CHODL: variants seen among roughly 807,000 people sequenced by gnomAD.
CHODL encodes chondrolectin, also known as transmembrane protein MT75.
CHODL carries 29 observed loss-of-function variants against 34.5 expected under a neutral mutation model. That is an observed-to-expected ratio of 0.84 (90% CI 0.63 to 1.15). CHODL has a LOEUF of 1.15. CHODL is among the 50% of genes most tolerant of loss of function. The pLI, the probability that CHODL is intolerant of heterozygous loss-of-function variation, is 0.00. For missense variants in CHODL, 332 were observed against 332.5 expected (o/e 1.00, Z 0.01); for synonymous variants, 125 against 116.1 (o/e 1.08, Z -0.49).
chr21:17,919,165 T>G (rs2063164526), intron 1 of CHODL, among the ~76,000 whole-genome samples: 1 of 152,210 alleles, frequency 6.6e-6, no homozygotes, highest in South Asian at 2.1e-4. Flanking sequence ...TCTACCATTC[T>G]GGGGTCTGGA....
chr21:18,233,250 T>C (rs2073999553), intron 2 of CHODL, among the ~76,000 whole-genome samples: 1 of 151,950 alleles, frequency 6.6e-6, no homozygotes. Context: ...GCTTATTTCA[T>C]TCATCATAAA....
intron 2 of CHODL, among the ~76,000 whole-genome samples, chr21:18,063,741 C>T (rs1452866604): frequency 4.6e-5 from 7 of 152,130 alleles, no homozygotes; most frequent in Admixed American, 4.6e-4. Context: ...GTAAAGAATA[C>T]TATTTAAAAA....
At chr21:18,087,881 G>T (rs1223768708) in intron 2 of CHODL, among the ~76,000 whole-genome samples, 1 of 152,108 alleles carries the variant, frequency 6.6e-6, no homozygotes, top group Non-Finnish European at 1.5e-5. Flanking sequence ...TCATAGTTTT[G>T]CAGGCTGTAC....
intron 2 of CHODL, among the ~76,000 whole-genome samples, chr21:18,071,929 GT>G (rs2064810534): frequency 6.6e-6 from 1 of 152,004 alleles, no homozygotes; most frequent in African/African-American, 2.4e-5. Context: ...TAAAAATTTT[GT>G]TATGGGCTTT....
At chr21:17,950,248 G>A (rs9983092) in intron 1 of CHODL, among the ~76,000 whole-genome samples, 10,803 of 151,722 alleles carry the variant, frequency 0.071, 1,049 homozygotes, top group African/African-American at 0.22. Flanking sequence ...TAAGGGAAAC[G>A]TTTTCTATAT....
At chr21:18,097,605 G>T (rs2065155567) in intron 2 of CHODL, among the ~76,000 whole-genome samples, 1 of 152,066 alleles carries the variant, frequency 6.6e-6, no homozygotes, top group Non-Finnish European at 1.5e-5. Context: ...CATGTTCATG[G>T]ATTGGAAGAA....
rs73198576 is a variant in CHODL, at chr21:18,119,571, T to C, written c.-45+91600T>C. Among the ~76,000 whole-genome samples, 614 of 152,232 alleles carry C rather than the reference T, an allele frequency of 4.0e-3. 2 individuals carry two copies. Among genetic ancestry groups the C allele is most frequent in the Non-Finnish European group, 6.4e-3 (432 of 68,016 alleles). On this transcript the variant is annotated intron_variant, in intron 2 of 6. Coordinates refer to the CHODL transcript ENST00000400127. ...ACATGAAGGGACAATGAGGAGCATTTCTGAATGGGTAGGTCAAGCCAGAGG... is the reference window on the plus strand; with the variant it reads ...ACATGAAGGGACAATGAGGAGCATTCCTGAATGGGTAGGTCAAGCCAGAGG...
rs1410079872 is a variant in CHODL, at chr21:18,114,025, G to A, written c.-45+86054G>A. 8.5e-5 allele frequency among the ~76,000 whole-genome samples: 13 copies of A among 152,286 alleles called. No homozygotes were observed. The East Asian group carries it at 2.5e-3, about 29-fold the overall frequency. ...GGAACTGGAGATCATTATGTTAAGT[G>A]AAATAAGCCAGGCAGAGAAATACAA... is the stretch of plus-strand genomic sequence containing the variant. On this transcript the variant is annotated intron_variant, in intron 2 of 6. Transcript: ENST00000400127.
chr21:18,197,922 A>G (rs2073608147), intron 2 of CHODL, among the ~76,000 whole-genome samples: 1 of 152,242 alleles, frequency 6.6e-6, no homozygotes, highest in Non-Finnish European at 1.5e-5. Context: ...GCAACCAAAT[A>G]AATATTTCAC....
At chr21:18,209,615 C>T (rs937692374) in intron 2 of CHODL, among the ~76,000 whole-genome samples, 5 of 152,168 alleles carry the variant, frequency 3.3e-5, no homozygotes, top group African/African-American at 1.2e-4. Flanking sequence ...ATAACCATGA[C>T]AGCTGGGACT....
intron 1 of CHODL, among the ~76,000 whole-genome samples, chr21:17,936,979 CAGG>C (rs2063324475): frequency 6.7e-6 from 1 of 150,108 alleles, no homozygotes; most frequent in African/African-American, 2.5e-5. Flanking sequence ...GAGGCTGAGG[CAGG>C]AGAATCACTT....
chr21:18,182,682 TCA>T (rs1171161915), intron 2 of CHODL, among the ~76,000 whole-genome samples: 1 of 152,208 alleles, frequency 6.6e-6, no homozygotes. Flanking sequence ...ATCCCATATC[TCA>T]GTGGGAAAAA....
At chr21:17,962,953 A>C (rs921650518) in intron 1 of CHODL, among the ~76,000 whole-genome samples, 1 of 151,892 alleles carries the variant, frequency 6.6e-6, no homozygotes, top group East Asian at 1.9e-4. Context: ...AGTCCCAGCT[A>C]CTCAGGAGGA....
chr21:18,232,538 C>G (rs2073989501), intron 2 of CHODL, among the ~76,000 whole-genome samples: 1 of 150,926 alleles, frequency 6.6e-6, no homozygotes, highest in South Asian at 2.1e-4. Flanking sequence ...GCTCCCTGAC[C>G]TAATCATCTT....
chr21:18,133,554 G>C (rs1215922300), intron 2 of CHODL, among the ~76,000 whole-genome samples: 1 of 152,074 alleles, frequency 6.6e-6, no homozygotes, highest in East Asian at 1.9e-4. Context: ...ATCTTTACAG[G>C]AAGTTTGTAC....
chr21:18,114,264 G>A (rs2065385941), intron 2 of CHODL, among the ~76,000 whole-genome samples: 4 of 152,040 alleles, frequency 2.6e-5, no homozygotes, highest in African/African-American at 7.3e-5. Context: ...TAACTTACTT[G>A]CATATTTTAA....
chr21:18,043,923 A>T (rs777068474), intron 2 of CHODL, among the ~76,000 whole-genome samples: 2 of 151,922 alleles, frequency 1.3e-5, no homozygotes. Flanking sequence ...AAACCATCAG[A>T]TCTTGTGAGA....
chr21:18,003,618 G>A (rs1307471934), intron 1 of CHODL, among the ~76,000 whole-genome samples: 1 of 152,130 alleles, frequency 6.6e-6, no homozygotes, highest in African/African-American at 2.4e-5. Context: ...TCTGCCTTGT[G>A]GAAGTGCACA....
chr21:18,214,007 T>C (rs991254223), intron 2 of CHODL, among the ~76,000 whole-genome samples: 1 of 152,074 alleles, frequency 6.6e-6, no homozygotes. Context: ...TTCTAAAATA[T>C]GTGGGGAACA....
Sources: gnomAD v4.1 joint callset for allele counts (sites outside exome capture counted in the v4.1 genomes callset) on GRCh38, gnomAD v4.1.1 for gene constraint, MANE v1.5 for transcripts, NCBI Gene and HGNC (gene_info 2026-07-23, HGNC 2026-07-21) for gene names.